ASIC2: variants seen among roughly 807,000 people sequenced by gnomAD.
The protein encoded by ASIC2 is acid sensing ion channel subunit 2.
ASIC2 carries 25 observed loss-of-function variants against 57.3 expected under a neutral mutation model. The observed-to-expected ratio is 0.44, with a 90% CI of 0.32 to 0.61. The LOEUF (loss-of-function observed/expected upper bound fraction) is 0.61. Among genes scored for constraint, ASIC2 ranks in the 20% least tolerant of loss-of-function variants. ASIC2 has a pLI of 0.06. For missense variants in ASIC2, 641 were observed against 738.1 expected, an observed-to-expected ratio of 0.87 and a Z score of 1.52; for synonymous variants, 319 against 307.5, an observed-to-expected ratio of 1.04 and a Z score of -0.39.
At chr17:33,158,627 C>A (rs186713042) in intron 1 of ASIC2, among the ~76,000 whole-genome samples, 1 of 152,332 alleles carries the variant, frequency 6.6e-6, no homozygotes, top group East Asian at 1.9e-4. Context: ...TCTCAGCAAC[C>A]TATAAAACGC....
intron 1 of ASIC2, among the ~76,000 whole-genome samples, chr17:33,383,616 G>A (rs1192763717): frequency 6.6e-6 from 1 of 152,170 alleles, no homozygotes; most frequent in Non-Finnish European, 1.5e-5. Context: ...TCACTGTCTG[G>A]ACATCTAGAG....
chr17:33,053,545 A>G (rs2091985905), intron 3 of ASIC2, among the ~76,000 whole-genome samples: 1 of 152,144 alleles, frequency 6.6e-6, no homozygotes, highest in South Asian at 2.1e-4. Flanking sequence ...GTTGAGGCTA[A>G]TCATTTCTCT....
chr17:33,241,545 T>C (rs1908507962), intron 1 of ASIC2, among the ~76,000 whole-genome samples: 1 of 152,236 alleles, frequency 6.6e-6, no homozygotes, highest in Admixed American at 6.5e-5. Context: ...CCATGCCTCA[T>C]AGAGACCTTA....
chr17:33,368,335 A>G (rs1332276521), intron 1 of ASIC2, among the ~76,000 whole-genome samples: 1 of 152,238 alleles, frequency 6.6e-6, no homozygotes, highest in Admixed American at 6.5e-5. Flanking sequence ...AGAGATGTCC[A>G]TGGAGTTTGT....
chr17:33,618,574 G>A (rs916946883), intron 1 of ASIC2, among the ~76,000 whole-genome samples: 30 of 152,264 alleles, frequency 2.0e-4, no homozygotes, highest in African/African-American at 7.0e-4. Context: ...CCTGAACAAT[G>A]TTTGCATTCT....
chr17:33,038,187 T>A (rs16967911), intron 3 of ASIC2, among the ~76,000 whole-genome samples: 4,652 of 152,260 alleles, frequency 0.031, 192 homozygotes, highest in African/African-American at 0.098. Flanking sequence ...CAGATGCTAG[T>A]AGGTACTTGC....
chr17:34,022,380 C>T (rs1454694629), intron 1 of ASIC2, among the ~76,000 whole-genome samples: 1 of 152,172 alleles, frequency 6.6e-6, no homozygotes, highest in East Asian at 1.9e-4. Context: ...ATTTCCTGCA[C>T]TTAGGTATCT....
intron 1 of ASIC2, among the ~76,000 whole-genome samples, chr17:33,789,464 TCACACA>T (rs3064584): frequency 0.011 from 1,530 of 144,498 alleles, 24 homozygotes; most frequent in African/African-American, 0.032. Flanking sequence ...AGAATCATGG[TCACACA>T]CACACACACA....
chr17:33,795,706 T>A (rs1911896259), intron 1 of ASIC2, among the ~76,000 whole-genome samples: 1 of 152,224 alleles, frequency 6.6e-6, no homozygotes, highest in Non-Finnish European at 1.5e-5. Context: ...ATCCATGCAT[T>A]GATAGATATC....
intron 1 of ASIC2, chr17:34,039,508 C>T (rs1175476352): frequency 1.4e-5 from 22 of 1,613,670 alleles, no homozygotes; most frequent in South Asian, 3.3e-5. Context: ...TTCTACTCGT[C>T]GCGGTAAGGG....
chr17:33,436,204 G>T (rs919308442), intron 1 of ASIC2, among the ~76,000 whole-genome samples: 1 of 152,168 alleles, frequency 6.6e-6, no homozygotes, highest in African/African-American at 2.4e-5. Flanking sequence ...CTCTAAAACT[G>T]ATCCCTTCCC....
At chr17:33,361,238 G>T (rs938892596) in intron 1 of ASIC2, among the ~76,000 whole-genome samples, 2 of 152,300 alleles carry the variant, frequency 1.3e-5, no homozygotes, top group Admixed American at 6.5e-5. Context: ...TGGGAACTGG[G>T]CTCAGGGAAC....
chr17:33,715,810 C>T (rs1285283963), intron 1 of ASIC2, among the ~76,000 whole-genome samples: 1 of 152,112 alleles, frequency 6.6e-6, no homozygotes, highest in Admixed American at 6.5e-5. Flanking sequence ...GATCATGTCC[C>T]TAGAGGTCAG....
At chr17:33,954,210 C>A (rs1904664746) in intron 1 of ASIC2, among the ~76,000 whole-genome samples, 1 of 152,184 alleles carries the variant, frequency 6.6e-6, no homozygotes, top group African/African-American at 2.4e-5. Context: ...CAGCAGCGGT[C>A]AATGCAAGGC....
chr17:33,388,234 C>T (rs1213806555), intron 1 of ASIC2, among the ~76,000 whole-genome samples: 1 of 152,218 alleles, frequency 6.6e-6, no homozygotes, highest in African/African-American at 2.4e-5. Context: ...CTGAAAGAGG[C>T]GTGGAATCGA....
At chr17:33,698,142 G>A (rs6505371) in intron 1 of ASIC2, among the ~76,000 whole-genome samples, 43,494 of 151,994 alleles carry the variant, frequency 0.29, 6,437 homozygotes, top group African/African-American at 0.36. Context: ...TTTTCACGAG[G>A]AGTTATAATA....
At chr17:33,688,584 G>C (rs1163821722) in intron 1 of ASIC2, among the ~76,000 whole-genome samples, 2 of 152,180 alleles carry the variant, frequency 1.3e-5, no homozygotes, top group Non-Finnish European at 2.9e-5. Context: ...AGCGACTGTT[G>C]TATTATGTAA....
At chr17:33,285,018 T>G (rs1213188724) in intron 1 of ASIC2, among the ~76,000 whole-genome samples, 2 of 152,144 alleles carry the variant, frequency 1.3e-5, no homozygotes, top group African/African-American at 4.8e-5. Flanking sequence ...GTGCATTGAC[T>G]CCAATTGACA....
At chr17:34,127,890 T>A (rs73282434) in intron 1 of ASIC2, among the ~76,000 whole-genome samples, 6,852 of 152,202 alleles carry the variant, frequency 0.045, 506 homozygotes, top group African/African-American at 0.16. Flanking sequence ...ATGCTGAGCA[T>A]CCCGGGCCTT....
Sources: allele counts gnomAD v4.1 joint callset (sites outside exome capture counted in the v4.1 genomes callset), GRCh38; gene constraint gnomAD v4.1.1; transcripts MANE v1.5; gene names NCBI Gene and HGNC (gene_info 2026-07-23, HGNC 2026-07-21).